NAALADL2: variants seen among roughly 807,000 people sequenced by gnomAD.
NAALADL2 encodes inactive N-acetylated-alpha-linked acidic dipeptidase-like protein 2.
In NAALADL2, 76 loss-of-function variants were observed where a neutral mutation model predicts 87.2. That is an observed-to-expected ratio of 0.87 (90% CI 0.72 to 1.05). The LOEUF (loss-of-function observed/expected upper bound fraction) is 1.05, where lower values mean the gene tolerates loss of function less well. Among genes scored for constraint, NAALADL2 ranks in the 50% least tolerant of loss-of-function variants. The pLI is 0.00. For synonymous variants in NAALADL2, 354 were observed against 331.0 expected (o/e 1.07, Z -0.75); for missense variants, 1,089 against 945.8 (o/e 1.15, Z -1.99).
At chr3:174,695,394 C>A (rs749747091) in intron 2 of NAALADL2, among the ~76,000 whole-genome samples, 6 of 151,968 alleles carry the variant, frequency 3.9e-5, no homozygotes, top group Non-Finnish European at 8.8e-5. Context: ...TCTCATCTTT[C>A]TCCTGAACCA....
At chr3:175,470,714 G>A (rs1241589441) in intron 8 of NAALADL2, among the ~76,000 whole-genome samples, 1 of 152,128 alleles carries the variant, frequency 6.6e-6, no homozygotes, top group African/African-American at 2.4e-5. Context: ...AGACTTAGTG[G>A]TCCTTCTTAA....
chr3:175,623,906 G>T (rs1190256954), intron 10 of NAALADL2, among the ~76,000 whole-genome samples: 1 of 151,134 alleles, frequency 6.6e-6, no homozygotes, highest in Non-Finnish European at 1.5e-5. Flanking sequence ...ATAAGCTAAA[G>T]GGTATCTAGG....
intron 9 of NAALADL2, among the ~76,000 whole-genome samples, chr3:175,502,382 GC>G: frequency 6.6e-6 from 1 of 152,186 alleles, no homozygotes; most frequent in East Asian, 1.9e-4. Flanking sequence ...AGAACAAAAA[GC>G]CTGACACTGC....
intron 9 of NAALADL2, among the ~76,000 whole-genome samples, chr3:175,558,772 C>T (rs1715780690): frequency 6.6e-6 from 1 of 151,986 alleles, no homozygotes; most frequent in Non-Finnish European, 1.5e-5. Flanking sequence ...TATTCTGTTC[C>T]ACTGATCTTT....
At chr3:175,270,652 G>GA (rs1235156901) in intron 4 of NAALADL2, among the ~76,000 whole-genome samples, 9 of 152,164 alleles carry the variant, frequency 5.9e-5, no homozygotes, top group African/African-American at 2.2e-4. Context: ...TTTGTAACTT[G>GA]AAAATGTTTA....
chr3:175,197,236 A>G (rs1739154643), intron 2 of NAALADL2, among the ~76,000 whole-genome samples: 1 of 151,992 alleles, frequency 6.6e-6, no homozygotes, highest in Non-Finnish European at 1.5e-5. Flanking sequence ...GTATTTGTTT[A>G]TATCTCTGTT....
chr3:175,664,592 A>G (rs1428253052), intron 11 of NAALADL2, among the ~76,000 whole-genome samples: 1 of 152,128 alleles, frequency 6.6e-6, no homozygotes. Context: ...ATTTTTATAT[A>G]AAGAACTTAG....
At chr3:174,464,685 A>G (rs1716414101) in intron 1 of NAALADL2, among the ~76,000 whole-genome samples, 2 of 151,960 alleles carry the variant, frequency 1.3e-5, no homozygotes, top group Admixed American at 1.3e-4. Context: ...AACTAATAAA[A>G]TGTTTGATTT....
At chr3:175,546,629 C>A (rs1040130723) in intron 9 of NAALADL2, among the ~76,000 whole-genome samples, 3 of 152,066 alleles carry the variant, frequency 2.0e-5, no homozygotes, top group African/African-American at 7.2e-5. Flanking sequence ...GATCTTATTT[C>A]TCCTTTGCTT....
chr3:175,459,933 A>C lies in NAALADL2; in HGVS notation c.1235-3468A>C, dbSNP rs144546125. 9.8e-4 allele frequency: 302 copies of C among 308,240 alleles called. 1 individual carries two copies. The highest frequency in any genetic ancestry group is 5.1e-3 in the African/African-American group (232 of 45,102). The allele number at this position is 308,240 out of a possible 1,614,324, so 19.1% of individuals were successfully genotyped here. ...TATTCTTTTCACTTACAGCATATCC[A>C]TGTTTCTAAATATTCTTTTTACATT... On this transcript the variant is annotated intron_variant, in intron 6 of 13. Transcript: ENST00000454872.
chr3:175,761,085 A>T (rs925533879), intron 13 of NAALADL2, among the ~76,000 whole-genome samples: 2 of 152,328 alleles, frequency 1.3e-5, no homozygotes, highest in Non-Finnish European at 2.9e-5. Flanking sequence ...GAATAGTTTA[A>T]TATCAGGGTT....
At chr3:175,184,015 A>G (rs1250225022) in intron 2 of NAALADL2, among the ~76,000 whole-genome samples, 2 of 151,996 alleles carry the variant, frequency 1.3e-5, no homozygotes, top group Non-Finnish European at 2.9e-5. Context: ...CTGCCTTCAC[A>G]CTACGTTGCC....
intron 2 of NAALADL2, among the ~76,000 whole-genome samples, chr3:174,695,792 G>A (rs1185418715): frequency 6.6e-6 from 1 of 151,930 alleles, no homozygotes; most frequent in African/African-American, 2.4e-5. Flanking sequence ...TTCTTAATTT[G>A]CAATAAAATT....
intron 5 of NAALADL2, among the ~76,000 whole-genome samples, chr3:175,367,639 C>T (rs1236640958): frequency 1.3e-5 from 2 of 152,068 alleles, no homozygotes. Context: ...TGGGAGTTCA[C>T]TCATGATTTG....
At chr3:174,960,853 A>G (rs1741871567) in intron 1 of NAALADL2, among the ~76,000 whole-genome samples, 3 of 151,848 alleles carry the variant, frequency 2.0e-5, no homozygotes, top group South Asian at 2.1e-4. Flanking sequence ...TTTCAGTTTC[A>G]TAAGTATGCA....
At chr3:174,469,908 T>A (rs1254343148) in intron 1 of NAALADL2, among the ~76,000 whole-genome samples, 1 of 152,106 alleles carries the variant, frequency 6.6e-6, no homozygotes, top group African/African-American at 2.4e-5. Flanking sequence ...TATGAACCAC[T>A]ATTTTTTTTA....
chr3:175,149,678 T>G (rs7623890), intron 2 of NAALADL2, among the ~76,000 whole-genome samples: 128,883 of 152,128 alleles, frequency 0.85, 55,141 homozygotes, highest in East Asian at 0.98. Context: ...GATATTAAAT[T>G]TTAGAGTTTT....
chr3:174,529,090 T>C (rs1721016764), intron 1 of NAALADL2, among the ~76,000 whole-genome samples: 1 of 152,200 alleles, frequency 6.6e-6, no homozygotes, highest in Non-Finnish European at 1.5e-5. Context: ...GCTAGTCCCT[T>C]CTGCCTTTGT....
At chr3:175,667,211 G>T (rs951837911) in intron 11 of NAALADL2, among the ~76,000 whole-genome samples, 3 of 121,526 alleles carry the variant, frequency 2.5e-5, no homozygotes, top group Non-Finnish European at 4.7e-5. Flanking sequence ...AAGAAAGAAA[G>T]AAAGAAAGAA....
Sources: allele counts gnomAD v4.1 joint callset (sites outside exome capture counted in the v4.1 genomes callset), GRCh38; gene constraint gnomAD v4.1.1; transcripts MANE v1.5; gene names NCBI Gene and HGNC (gene_info 2026-07-23, HGNC 2026-07-21).